The following KHNYN variants were observed in gnomAD, a reference collection of about 807,000 sequenced individuals.
KHNYN encodes KH and NYN domain containing.
A neutral mutation model predicts 62.7 loss-of-function variants in KHNYN; 42 were observed. The observed-to-expected ratio is 0.67, with a 90% confidence interval of 0.52 to 0.87. The LOEUF (loss-of-function observed/expected upper bound fraction) is 0.87, where lower values mean the gene tolerates loss of function less well. Among genes scored for constraint, KHNYN ranks in the 40% least tolerant of loss-of-function variants. KHNYN has a pLI of 0.00. For missense variants in KHNYN, 829 were observed against 874.1 expected (o/e 0.95, Z 0.65); for synonymous variants, 347 against 345.6 (o/e 1.00, Z -0.04).
rs776584602 is a variant in KHNYN at position 24,440,970 on chromosome 14, T to C, written c.*3685T>C. 1 of 1,612,180 alleles carries C rather than the reference T, an allele frequency of 6.2e-7. No individual in the cohort carries two copies. The highest frequency in any genetic ancestry group is 8.5e-7 in the Non-Finnish European group (1 of 1,178,632). ...CATTTGCCCTGGGTGTCCTTGGTCC[T>C]GCCTGGCTCTCTGTAGTGGAGGCTC... On this transcript the variant is annotated 3_prime_UTR_variant, in exon 8 of 8. Transcript: ENST00000553935.
upstream of KHNYN, chr14:24,427,772 T>C (rs755502123): frequency 2.5e-6 from 4 of 1,613,290 alleles, no homozygotes; most frequent in Admixed American, 5.0e-5. The surrounding 1 kb of genome is among the most constrained non-coding windows in gnomAD (Gnocchi z 4.4). Flanking sequence ...ATTCTTGTGC[T>C]TGAAAGACTT....
chr14:24,428,791 G>A (rs769229753), upstream of KHNYN: 9 of 1,606,742 alleles, frequency 5.6e-6, no homozygotes, highest in South Asian at 1.1e-5. Flanking sequence ...TGCCATTGCC[G>A]GTTTCCCCTG....
At chr14:24,429,574 C>G (rs5025771), upstream of KHNYN, 398,487 of 564,602 alleles carry the variant, frequency 0.71, 142,857 homozygotes, top group Admixed American at 0.77. Flanking sequence ...TACTCCACCA[C>G]GGGTACCCTC....
chr14:24,434,798 A>G (rs1024467993), intron 5 of KHNYN, among the ~76,000 whole-genome samples: 3 of 152,188 alleles, frequency 2.0e-5, no homozygotes, highest in African/African-American at 7.2e-5. Context: ...AGTTCCCCCT[A>G]TACCACACTA....
rs1205019030 is a variant in KHNYN, at chr14:24,432,891, C to T, written c.1480+39C>T. ...GGTCTTCAGTGTCCCAGGATAGGCT[C>T]TGTTTCCACTTTGAGGAGAACCCTA... On this transcript the variant is annotated intron_variant, in intron 4 of 7. Transcript: ENST00000553935. The surrounding 1 kb of genome is among the most constrained non-coding windows in gnomAD (Gnocchi z 5.6). 2.5e-6 allele frequency: 4 copies of T among 1,614,222 alleles called. No individual in the cohort carries two copies. Among genetic ancestry groups the T allele is most frequent in the East Asian group, 2.2e-5 (1 of 44,884 alleles).
rs1349889829 is a variant in KHNYN, at chr14:24,437,136, C to T, written c.1888C>T (p.Arg630Trp). ...REEEKGSGGIRKTRETERLRR... is the reference protein window; with the variant it reads ...REEEKGSGGIWKTRETERLRR... ...AGAGGAAAAAGGTAGTGGTGGCATT[C>T]GGAAGACCCGGGAAACAGAGCGGCT... The change falls in exon 8 of 8, where the codon CGG (arginine) becomes TGG (tryptophan). Residue 630 changes from arginine to tryptophan, a missense_variant. By Grantham distance (101) the Arg-to-Trp change is moderately radical (BLOSUM62 -3). Around this residue, in one of 2 missense-constraint regions of KHNYN, gnomAD observed 270 missense variants for 347.1 expected, o/e 0.78. Coordinates refer to ENST00000553935, the MANE Select transcript of KHNYN (RefSeq NM_015299.3). This position sits in a 1 kb window ranked among gnomAD's most constrained non-coding sequence, Gnocchi z 5.5. 5.0e-6 allele frequency: 8 copies of T among 1,614,072 alleles called. No homozygotes were observed. Among genetic ancestry groups the T allele is most frequent in the East Asian group, 2.2e-5 (1 of 44,898 alleles).
upstream of KHNYN, among the ~76,000 whole-genome samples, chr14:24,425,094 G>A (rs1161025073): frequency 8.5e-5 from 13 of 152,102 alleles, no homozygotes; most frequent in East Asian, 1.9e-4. Context: ...CCAGCTACTC[G>A]GGAGGCTGAG....
intron 5 of KHNYN, chr14:24,435,393 C>T (rs1309174864): frequency 6.6e-6 from 1 of 151,886 alleles, no homozygotes; most frequent in South Asian, 2.1e-4. Context: ...AAATAAAGGG[C>T]AAGTGTGGAA....
Position 24,431,507 on chromosome 14 carries a change from C to CCACTA in KHNYN, c.248_252dup (p.Pro85ThrfsTer37), listed in dbSNP as rs1192763764. ...GCAGCCCAGAACTGCAGGATGAAAT[C>CCACTA]CACTACCCGCCCAAACTGCACTGCA... On this transcript the variant is annotated frameshift_variant, in exon 3 of 8. Transcript: ENST00000553935. LOFTEE classifies it high-confidence loss of function. The CCACTA allele has an allele frequency of 4.4e-6, 7 of 1,598,492 alleles. No homozygotes were observed. The highest frequency in any genetic ancestry group is 6.0e-6 in the Non-Finnish European group (7 of 1,167,970).
rs2043129932 is a variant in KHNYN, at chr14:24,432,176, G to A, written c.915G>A (p.Lys305=). The A allele has an allele frequency of 6.4e-7, 1 of 1,567,398 alleles. No individual in the cohort carries two copies. Among genetic ancestry groups the A allele is most frequent in the African/African-American group, 1.4e-5 (1 of 73,954 alleles). The change falls in exon 3 of 8, where the codon AAG becomes AAA. Residue 305 remains lysine, a synonymous_variant. Coordinates refer to ENST00000553935, the MANE Select transcript of KHNYN (RefSeq NM_015299.3). This position sits in a 1 kb window ranked among gnomAD's most constrained non-coding sequence, Gnocchi z 5.6. The part of the protein sequence containing the change: ...GARESAPLKG[K]ALGKEEIALG... ...GGGAGTCAGCACCCCTGAAAGGGAA[G>A]GCCCTGGGGAAGGAGGAGATAGCTC...
At chr14:24,433,965 A>G (rs2043167112) in intron 5 of KHNYN, 1 of 192,248 alleles carries the variant, frequency 5.2e-6, no homozygotes, top group Non-Finnish European at 9.6e-6. Context: ...ACAGTTTTTA[A>G]AAATTAGTTT....
rs1177540365 is a variant in KHNYN at position 24,430,047 on chromosome 14, G to C, written c.-90G>C. ...CGGGCCCCCTGCCCTTGTCCCCTGGGCTGGGGGCGCGGGCAAAGCGGGGGC... is the reference window on the plus strand; with the variant it reads ...CGGGCCCCCTGCCCTTGTCCCCTGGCCTGGGGGCGCGGGCAAAGCGGGGGC... On this transcript the variant is annotated 5_prime_UTR_variant, in exon 1 of 8. Coordinates refer to ENST00000553935, the MANE Select transcript of KHNYN (RefSeq NM_015299.3). The C allele has an allele frequency of 2.0e-5, 20 of 985,430 alleles. No individual in the cohort carries two copies. Among genetic ancestry groups the C allele is most frequent in the Non-Finnish European group, 2.4e-5 (20 of 830,022 alleles). 61.0% of individuals were successfully genotyped at this position (985,430 alleles called of 1,614,324 possible).
intron 7 of KHNYN, among the ~76,000 whole-genome samples, 193 bp from the exon 8 acceptor site, chr14:24,436,843 C>T (rs2043212541): frequency 6.6e-6 from 1 of 152,182 alleles, no homozygotes; most frequent in Admixed American, 6.5e-5. Flanking sequence ...AGAGTTCACC[C>T]TGTTTCTAAA....
rs1241868570 is a variant in KHNYN at position 24,440,712 on chromosome 14, C to T, written c.*3427C>T. ...ACTCTGTAATTGTAATCTCAGCTCT[C>T]CTAATCCCATCACTTCCCCAGCCCA... On this transcript the variant is annotated 3_prime_UTR_variant, in exon 8 of 8. Transcript: ENST00000553935. The T allele has an allele frequency of 6.4e-6, 10 of 1,560,736 alleles. No individual in the cohort carries two copies. The highest frequency in any genetic ancestry group is 1.2e-5 in the South Asian group (1 of 86,874).
In KHNYN at chr14:24,431,553, T is replaced by C. The variant is rs1297948319; in HGVS notation, c.292T>C (p.Phe98Leu). 1.9e-6 allele frequency: 3 copies of C among 1,612,674 alleles called. No individual in the cohort carries two copies. The highest frequency in any genetic ancestry group is 1.1e-5 in the South Asian group (1 of 91,038). The change falls in exon 3 of 8, where the codon TTC becomes CTC. Residue 98 changes from phenylalanine (F) to leucine (L), a missense_variant. Phe to Leu is a conservative substitution (Grantham distance 22). Coordinates refer to ENST00000553935, the MANE Select transcript of KHNYN (RefSeq NM_015299.3). ...LHCIFLGAQGFFLDCLAWSTS... is the reference protein window; with the variant it reads ...LHCIFLGAQGLFLDCLAWSTS... Reference sequence around the variant, plus strand: ...CTGCATCTTTCTGGGAGCCCAGGGCTTCTTCCTTGACTGCCTGGCCTGGAG... The same window carrying C: ...CTGCATCTTTCTGGGAGCCCAGGGCCTCTTCCTTGACTGCCTGGCCTGGAG...
intron 5 of KHNYN, chr14:24,434,239 CATAAT>C: frequency 1.0e-6 from 1 of 985,366 alleles, no homozygotes; most frequent in Non-Finnish European, 1.2e-6. Context: ...TGGCAGATAA[CATAAT>C]ATAAATTGGG....
At chr14:24,425,588 T>A (rs935377304), upstream of KHNYN, among the ~76,000 whole-genome samples, 2 of 152,226 alleles carry the variant, frequency 1.3e-5, no homozygotes, top group Non-Finnish European at 2.9e-5. Context: ...TGGACTCTTA[T>A]TTACAGATTT....
At position 24,432,768 on chromosome 14, in the gene KHNYN, G is replaced by A. The variant is rs778286800; in HGVS notation, c.1396G>A (p.Val466Met). ...YFSSRGIAIA[V>M]QYFWDRGHRD... is the part of the protein sequence containing the mutation. ...CTCCAGCCGGGGCATTGCCATTGCT[G>A]TGCAGTACTTCTGGGACCGTGGTCA... The change falls in exon 4 of 8, where the codon GTG (valine) becomes ATG (methionine). Residue 466 changes from valine to methionine, a missense_variant. Transcript: ENST00000553935. This position sits in a 1 kb window ranked among gnomAD's most constrained non-coding sequence, Gnocchi z 5.6. 6.2e-7 allele frequency: 1 copy of A among 1,614,218 alleles called. No individual in the cohort carries two copies. Among genetic ancestry groups the A allele is most frequent in the Non-Finnish European group, 8.5e-7 (1 of 1,180,040 alleles).
chr14:24,440,458 G>A lies in KHNYN; in HGVS notation c.*3173G>A. On this transcript the variant is annotated 3_prime_UTR_variant, in exon 8 of 8. Transcript: ENST00000553935. ...CCAGGCGAAAGGGCAGCAGCATGTGGCCCATGGCACCACCCCCACGGCCCA... is the reference window on the plus strand; with the variant it reads ...CCAGGCGAAAGGGCAGCAGCATGTGACCCATGGCACCACCCCCACGGCCCA... 1 of 1,610,042 alleles carries A rather than the reference G, an allele frequency of 6.2e-7. No homozygotes were observed. Among genetic ancestry groups the A allele is most frequent in the Non-Finnish European group, 8.5e-7 (1 of 1,178,212 alleles).
Sources: gnomAD v4.1 joint callset for allele counts (sites outside exome capture counted in the v4.1 genomes callset) on GRCh38, gnomAD v4.1.1 for gene constraint, gnomAD v4.1.1 regional missense constraint, Gnocchi (gnomAD v3.1) non-coding constraint, MANE v1.5 for transcripts, NCBI Gene and HGNC (gene_info 2026-07-23, HGNC 2026-07-21) for gene names.